Variants in RAB2A observed in about 807,000 individuals in gnomAD.
The protein encoded by RAB2A is RAB2A, member RAS oncogene family, also known as ras-related protein Rab-2A.
Under a neutral mutation model 32.5 loss-of-function variants are expected in RAB2A, and 7 were observed. The ratio of observed to expected loss-of-function variants is 0.22; its 90% CI spans 0.12 to 0.40. The LOEUF (loss-of-function observed/expected upper bound fraction) is 0.40, where lower values mean the gene tolerates loss of function less well. Ranked by LOEUF, RAB2A falls within the 10% of genes least tolerant of loss-of-function variation. The pLI is 1.00. For missense variants in RAB2A, 108 were observed against 260.7 expected (o/e 0.41, Z 4.03); for synonymous variants, 79 against 85.2 (o/e 0.93, Z 0.40).
intron 6 of RAB2A, among the ~76,000 whole-genome samples, chr8:60,602,362 AAC>A (rs1804148390): frequency 2.0e-5 from 3 of 152,264 alleles, no homozygotes; most frequent in Admixed American, 1.3e-4. Flanking sequence ...TAAAAAATAT[AAC>A]ACAATACCAT....
intron 6 of RAB2A, among the ~76,000 whole-genome samples, chr8:60,608,859 T>A (rs1804288293): frequency 6.6e-6 from 1 of 152,186 alleles, no homozygotes; most frequent in Non-Finnish European, 1.5e-5. Flanking sequence ...TTCTTTCTCT[T>A]ACCCCTTGAC....
intron 1 of RAB2A, among the ~76,000 whole-genome samples, chr8:60,541,984 A>G (rs963919018): frequency 6.6e-6 from 1 of 152,172 alleles, no homozygotes; most frequent in Admixed American, 6.5e-5. Flanking sequence ...ACAGGCAGAA[A>G]ATGTTCATCT....
At chr8:60,601,734 C>T (rs778519176) in intron 6 of RAB2A, among the ~76,000 whole-genome samples, 4 of 152,124 alleles carry the variant, frequency 2.6e-5, no homozygotes, top group Non-Finnish European at 4.4e-5. Flanking sequence ...GAAGAAAAAC[C>T]GCATTCATTC....
At chr8:60,561,929 C>T (rs935216619) in intron 2 of RAB2A, among the ~76,000 whole-genome samples, 7 of 152,184 alleles carry the variant, frequency 4.6e-5, no homozygotes, top group Non-Finnish European at 8.8e-5. Context: ...TGTTTATAAA[C>T]CATTGACTCC....
intron 1 of RAB2A, among the ~76,000 whole-genome samples, chr8:60,526,697 T>C (rs1232770984): frequency 6.6e-6 from 1 of 152,164 alleles, no homozygotes; most frequent in Non-Finnish European, 1.5e-5. Flanking sequence ...AGGCCAGGCA[T>C]GATGGTTCAC....
chr8:60,561,741 A>G (rs1294432381), intron 2 of RAB2A, among the ~76,000 whole-genome samples: 2 of 151,892 alleles, frequency 1.3e-5, no homozygotes, highest in Non-Finnish European at 2.9e-5. Context: ...TGTTCTGTCC[A>G]CTCTTTTCAT....
chr8:60,541,098 A>G (rs2130817011), intron 1 of RAB2A, among the ~76,000 whole-genome samples: 1 of 152,302 alleles, frequency 6.6e-6, no homozygotes, highest in African/African-American at 2.4e-5. Context: ...TGTACCCTTG[A>G]TATGATGTGA....
intron 6 of RAB2A, among the ~76,000 whole-genome samples, chr8:60,593,924 T>TA (rs60039535): frequency 0.53 from 80,030 of 149,966 alleles, 24,112 homozygotes; most frequent in African/African-American, 0.83. Flanking sequence ...AATTTTAAAA[T>TA]AAAAAAAAAT....
At chr8:60,564,496 T>G (rs938724718) in intron 2 of RAB2A, among the ~76,000 whole-genome samples, 8 of 152,240 alleles carry the variant, frequency 5.3e-5, no homozygotes, top group Non-Finnish European at 1.2e-4. Context: ...ATTTTCTGTC[T>G]ACAGTTTCCA....
At chr8:60,527,637 A>G (rs1807413223) in intron 1 of RAB2A, among the ~76,000 whole-genome samples, 1 of 152,220 alleles carries the variant, frequency 6.6e-6, no homozygotes, top group Non-Finnish European at 1.5e-5. Flanking sequence ...AGTCTATGAT[A>G]TGAGGTGGTG....
intron 6 of RAB2A, among the ~76,000 whole-genome samples, chr8:60,602,866 T>G (rs1804157516): frequency 6.6e-6 from 1 of 152,204 alleles, no homozygotes; most frequent in African/African-American, 2.4e-5. Context: ...CATCCTTTTG[T>G]TCCTTAGGAG....
At chr8:60,554,907 C>T (rs1195984685) in intron 1 of RAB2A, among the ~76,000 whole-genome samples, 3 of 151,942 alleles carry the variant, frequency 2.0e-5, no homozygotes, top group Non-Finnish European at 4.4e-5. Context: ...CTGGATTCGT[C>T]CTCTCAAATG....
In RAB2A at chr8:60,544,552, C is replaced by CTT. The variant is rs35482452; in HGVS notation, c.47-14281_47-14280dup. Among the ~76,000 whole-genome samples, 191 of 114,134 alleles carry CTT rather than the reference C, an allele frequency of 1.7e-3. 3 individuals are homozygous for CTT. Among genetic ancestry groups the CTT allele is most frequent in the East Asian group, 8.8e-3 (33 of 3,752 alleles). 74.9% of individuals were successfully genotyped at this position (114,134 alleles called of 152,430 possible). A position where few individuals can be genotyped will look rare whatever the true frequency, so the allele number is the denominator to read the frequency against. ...GAATGCTATTTTTTTTCCCTAGTGCCTTTTTTTTTTTTTTTTTTTTAAAAT... is the reference window on the plus strand; with the variant it reads ...GAATGCTATTTTTTTTCCCTAGTGCCTTTTTTTTTTTTTTTTTTTTTTAAAAT... On this transcript the variant is annotated intron_variant, in intron 1 of 7. Coordinates refer to ENST00000262646, the MANE Select transcript of RAB2A (RefSeq NM_002865.3).
rs1384612965 is a variant in RAB2A, at chr8:60,558,589, CTG to C, written c.47-260_47-259del. The C allele has an allele frequency of 1.6e-4, 79 of 508,540 alleles. 1 individual carries two copies. The highest frequency in any genetic ancestry group is 1.3e-3 in the South Asian group (78 of 57,968). 31.5% of individuals were successfully genotyped at this position (508,540 alleles called of 1,614,324 possible). ...CCAGAAGGACCTGGTTAGTTGTCAT[CTG>C]TGAGTTTAGCTGCCATATTTATCTT... On this transcript the variant is annotated intron_variant, in intron 1 of 7. Coordinates refer to ENST00000262646, the MANE Select transcript of RAB2A (RefSeq NM_002865.3).
At chr8:60,571,878 C>G (rs1808201069) in intron 2 of RAB2A, among the ~76,000 whole-genome samples, 168 bp from the exon 3 acceptor site, 1 of 152,094 alleles carries the variant, frequency 6.6e-6, no homozygotes, top group Non-Finnish European at 1.5e-5. Context: ...TTATTAGCAC[C>G]TCTTCCTTAG....
intron 6 of RAB2A, among the ~76,000 whole-genome samples, chr8:60,608,838 ATTCTATAGTG>A (rs1001459698): frequency 3.3e-5 from 5 of 151,890 alleles, no homozygotes; most frequent in Non-Finnish European, 7.4e-5. Context: ...CAGATCCTCT[ATTCTATAGTG>A]TTCTTTCTCT....
intron 1 of RAB2A, among the ~76,000 whole-genome samples, chr8:60,526,017 GTACATATATATATATA>G (rs1807376926): frequency 2.7e-5 from 2 of 74,252 alleles, no homozygotes; most frequent in Non-Finnish European, 5.2e-5. Flanking sequence ...ATGTGTGTGT[GTACATATATATATATA>G]TATATATATA....
intron 3 of RAB2A, among the ~76,000 whole-genome samples, chr8:60,578,371 TG>T (rs1803677930): frequency 6.6e-6 from 1 of 152,204 alleles, no homozygotes; most frequent in Non-Finnish European, 1.5e-5. Context: ...AGGATAACTA[TG>T]GGCTGTGGTA....
chr8:60,619,491 T>C (rs1257350663), intron 7 of RAB2A, among the ~76,000 whole-genome samples: 5 of 152,220 alleles, frequency 3.3e-5, no homozygotes, highest in African/African-American at 1.2e-4. Context: ...TAAATGAGGC[T>C]CTCTATTACT....
Sources: allele counts gnomAD v4.1 joint callset (sites outside exome capture counted in the v4.1 genomes callset), GRCh38; gene constraint gnomAD v4.1.1; transcripts MANE v1.5; gene names NCBI Gene and HGNC (gene_info 2026-07-23, HGNC 2026-07-21).